Variants in MTHFD2L observed in about 807,000 individuals in gnomAD.
MTHFD2L encodes the protein methylenetetrahydrofolate dehydrogenase (NADP+ dependent) 2 like.
In MTHFD2L, 29 loss-of-function variants were observed where a neutral mutation model predicts 34.9. The ratio of observed to expected loss-of-function variants is 0.83; its 90% confidence interval spans 0.62 to 1.13. The LOEUF (loss-of-function observed/expected upper bound fraction) is 1.13, where lower values mean the gene tolerates loss of function less well. MTHFD2L is among the 50% of genes most tolerant of loss of function. The probability of loss-of-function intolerance (pLI) is 0.00; values close to 1 mark genes in which losing one functional copy is unlikely to be tolerated. For synonymous variants in MTHFD2L, 167 were observed against 155.7 expected, an observed-to-expected ratio of 1.07 and a Z score of -0.54; for missense variants, 481 against 446.5, an observed-to-expected ratio of 1.08 and a Z score of -0.70.
intron 5 of MTHFD2L, among the ~76,000 whole-genome samples, chr4:74,219,954 A>G (rs1737872842): frequency 6.6e-6 from 1 of 152,140 alleles, no homozygotes; most frequent in Non-Finnish European, 1.5e-5. Context: ...ATCCTGATAT[A>G]CTTTTCTTTT....
chr4:74,202,869 CGCACACAT>C (rs1405895101), intron 5 of MTHFD2L, among the ~76,000 whole-genome samples: 1 of 152,054 alleles, frequency 6.6e-6, no homozygotes, highest in African/African-American at 2.4e-5. Context: ...GTACAGCACA[CGCACACAT>C]GCACACATGC....
intron 6 of MTHFD2L, among the ~76,000 whole-genome samples, chr4:74,249,746 G>T (rs1032544864): frequency 1.5e-4 from 23 of 152,026 alleles, no homozygotes; most frequent in Non-Finnish European, 2.9e-4. Context: ...ATGAAGCTTA[G>T]TTTGACTGGA....
chr4:74,119,272 A>T (rs1324607986), upstream of MTHFD2L, among the ~76,000 whole-genome samples: 4 of 152,146 alleles, frequency 2.6e-5, no homozygotes, highest in Non-Finnish European at 5.9e-5. Context: ...ATTTTAGTCC[A>T]TGTGTGTCCT....
chr4:74,301,890 A>T lies in MTHFD2L; in HGVS notation c.*81A>T. ...GGTAAAACCTTTATATTTTACTACA[A>T]AGCTATTTATTTCTACATGGTATTT... is the stretch of plus-strand genomic sequence containing the variant. On this transcript the variant is annotated 3_prime_UTR_variant, in exon 8 of 8. Transcript: ENST00000325278. 1.4e-6 allele frequency: 1 copy of T among 702,132 alleles called. No homozygotes were observed. Among genetic ancestry groups the T allele is most frequent in the Non-Finnish European group, 2.2e-6 (1 of 446,486 alleles). 43.5% of individuals were successfully genotyped at this position (702,132 alleles called of 1,614,324 possible). A position where few individuals can be genotyped will look rare whatever the true frequency, so the allele number is the denominator to read the frequency against.
At chr4:74,120,681 A>C (rs1721739146), upstream of MTHFD2L, among the ~76,000 whole-genome samples, 1 of 152,200 alleles carries the variant, frequency 6.6e-6, no homozygotes, top group Admixed American at 6.5e-5. Flanking sequence ...ACCACATTAA[A>C]GTGCATGCCC....
chr4:74,295,589 A>G (rs1749531717), intron 7 of MTHFD2L, among the ~76,000 whole-genome samples: 1 of 152,174 alleles, frequency 6.6e-6, no homozygotes, highest in Admixed American at 6.6e-5. Flanking sequence ...ATTTGATTTT[A>G]TGCTGCCTGA....
chr4:74,141,193 T>C (rs1424073740), intron 1 of MTHFD2L, among the ~76,000 whole-genome samples: 1 of 152,194 alleles, frequency 6.6e-6, no homozygotes, highest in Admixed American at 6.5e-5. Flanking sequence ...AACTGAAATA[T>C]GGCATTTTCA....
chr4:74,200,308 T>C (rs549031382), intron 4 of MTHFD2L, among the ~76,000 whole-genome samples: 7 of 151,670 alleles, frequency 4.6e-5, no homozygotes, highest in Admixed American at 3.3e-4. Flanking sequence ...CAAGACTCTG[T>C]CTCAAAAACA....
intron 1 of MTHFD2L, among the ~76,000 whole-genome samples, chr4:74,173,558 A>G (rs1015676061): frequency 2.0e-5 from 3 of 152,142 alleles, no homozygotes; most frequent in Admixed American, 2.0e-4. Context: ...GAGTAAGTTA[A>G]AAGAGTTGTG....
At chr4:74,286,616 A>G (rs1210660910) in intron 7 of MTHFD2L, among the ~76,000 whole-genome samples, 1 of 152,194 alleles carries the variant, frequency 6.6e-6, no homozygotes, top group East Asian at 1.9e-4. Flanking sequence ...CTAATTAATG[A>G]CTTCCATGCT....
upstream of MTHFD2L, among the ~76,000 whole-genome samples, chr4:74,154,991 A>G (rs969685829): frequency 6.6e-6 from 1 of 152,120 alleles, no homozygotes; most frequent in Non-Finnish European, 1.5e-5. Flanking sequence ...TTATCTGTAA[A>G]TTGCCACTCC....
intron 3 of MTHFD2L, among the ~76,000 whole-genome samples, chr4:74,189,555 A>G (rs1004051516): frequency 6.8e-6 from 1 of 146,192 alleles, no homozygotes; most frequent in Non-Finnish European, 1.5e-5. Context: ...TCACTGAGAT[A>G]TAATTTACAT....
chr4:74,251,194 T>C (rs531832466), intron 6 of MTHFD2L, among the ~76,000 whole-genome samples: 1 of 152,326 alleles, frequency 6.6e-6, no homozygotes, highest in East Asian at 1.9e-4. Flanking sequence ...TGTTCATTTC[T>C]CCAAAATCAT....
At chr4:74,255,532 G>GT (rs1743918163) in intron 6 of MTHFD2L, among the ~76,000 whole-genome samples, 1 of 152,090 alleles carries the variant, frequency 6.6e-6, no homozygotes, top group Non-Finnish European at 1.5e-5. Context: ...ACATGTCCAG[G>GT]TTTTTTACAA....
intron 6 of MTHFD2L, among the ~76,000 whole-genome samples, chr4:74,280,994 TCTCCCTTCCTCC>T (rs999364306): frequency 7.9e-5 from 12 of 151,860 alleles, no homozygotes; most frequent in African/African-American, 2.2e-4. Flanking sequence ...TTTCTATCTC[TCTCCCTTCCTCC>T]CTCCCTTCCT....
At chr4:74,198,116 C>T (rs1304284700) in intron 3 of MTHFD2L, among the ~76,000 whole-genome samples, 2 of 152,108 alleles carry the variant, frequency 1.3e-5, no homozygotes, top group Non-Finnish European at 2.9e-5. Flanking sequence ...AAATGGTGAT[C>T]TGAATTATGA....
In MTHFD2L at chr4:74,174,707, G is replaced by A. The variant is rs780434468; in HGVS notation, c.328+17G>A. ...CTGCTGTAGGTGGGTGTGTGTTTTA[G>A]TTGTAATTACTACTAAATATGTTTT... On this transcript the variant is annotated intron_variant, in intron 2 of 7. Coordinates refer to ENST00000325278, the MANE Select transcript of MTHFD2L (RefSeq NM_001144978.3). The A allele has an allele frequency of 3.5e-6, 5 of 1,416,094 alleles. No individual in the cohort carries two copies. In the East Asian group the frequency reaches 1.3e-4, roughly 37 times the overall value. The allele number at this position is 1,416,094 out of a possible 1,614,324, so 87.7% of individuals were successfully genotyped here. A position where few individuals can be genotyped will look rare whatever the true frequency, so the allele number is the denominator to read the frequency against.
intron 1 of MTHFD2L, among the ~76,000 whole-genome samples, chr4:74,163,438 T>C (rs1054195376): frequency 6.6e-6 from 1 of 152,228 alleles, no homozygotes; most frequent in East Asian, 1.9e-4. Context: ...AAAGTTAGTT[T>C]GAAAACAATG....
intron 6 of MTHFD2L, chr4:74,267,824 G>A: frequency 1.0e-6 from 1 of 985,310 alleles, no homozygotes; most frequent in Middle Eastern, 5.2e-4. Context: ...AGAAGGTGAT[G>A]GAACTACTTG....
Sources: allele counts gnomAD v4.1 joint callset (sites outside exome capture counted in the v4.1 genomes callset), GRCh38; gene constraint gnomAD v4.1.1; transcripts MANE v1.5; gene names NCBI Gene and HGNC (gene_info 2026-07-23, HGNC 2026-07-21).